The following DAB2 variants were observed in gnomAD, a reference collection of about 807,000 sequenced individuals.
DAB2 encodes the protein disabled homolog 2.
DAB2 carries 28 observed loss-of-function variants against 71.6 expected under a neutral mutation model. The observed-to-expected ratio is 0.39, with a 90% CI of 0.29 to 0.54. The LOEUF (loss-of-function observed/expected upper bound fraction) is 0.54. Among genes scored for constraint, DAB2 ranks in the 20% least tolerant of loss-of-function variants. The pLI is 0.68. For missense variants in DAB2, 867 were observed against 928.8 expected, an observed-to-expected ratio of 0.93 and a Z score of 0.86; for synonymous variants, 345 against 339.7, an observed-to-expected ratio of 1.02 and a Z score of -0.17.
At chr5:39,383,314 G>A in intron 9 of DAB2, 43 bp from the exon 10 acceptor site, 1 of 1,429,340 alleles carries the variant, frequency 7.0e-7, no homozygotes, top group South Asian at 1.3e-5. Flanking sequence ...GTTAGTCCAT[G>A]TTGTGACTTC....
intron 10 of DAB2, among the ~76,000 whole-genome samples, chr5:39,381,983 C>T (rs751934226): frequency 6.6e-5 from 10 of 152,110 alleles, no homozygotes; most frequent in Non-Finnish European, 1.5e-4. Context: ...TTGTTCATTC[C>T]ATTGGATTTT....
intron 3 of DAB2, 129 bp downstream of exon 3, chr5:39,393,125 T>A: frequency 2.2e-6 from 2 of 905,540 alleles, no homozygotes; most frequent in Non-Finnish European, 3.4e-6. Context: ...AATGGGGCAC[T>A]ACTGATGGAT....
At chr5:39,376,265 A>G (rs1754826704) in intron 12 of DAB2, among the ~76,000 whole-genome samples, 159 bp from the exon 13 acceptor site, 4 of 152,218 alleles carry the variant, frequency 2.6e-5, no homozygotes, top group African/African-American at 9.6e-5. Flanking sequence ...AATAATTATT[A>G]TCCTTCTCGG....
intron 9 of DAB2, 49 bp from the exon 10 acceptor site, chr5:39,383,320 A>T (rs770004646): frequency 7.2e-7 from 1 of 1,385,214 alleles, no homozygotes; most frequent in East Asian, 2.3e-5. Context: ...CCATGTTGTG[A>T]CTTCAAATGA....
rs572752253 is a variant in DAB2, at chr5:39,379,751, C to T, written c.1504+1703G>A. Among the ~76,000 whole-genome samples the T allele has an allele frequency of 2.6e-5, 4 of 151,228 alleles. No individual in the cohort carries two copies. The East Asian group carries it at 5.9e-4, about 22-fold the overall frequency. The stretch of plus-strand genomic sequence containing the variant: ...CCCCCAGTTCTCCAGGGGAGACAGT[C>T]CCCCAGCTGGGTCTAGCGGAAGCCA... On this transcript the variant is annotated intron_variant, in intron 11 of 14. Coordinates refer to ENST00000320816, the MANE Select transcript of DAB2 (RefSeq NM_001343.4).
intron 6 of DAB2, among the ~76,000 whole-genome samples, chr5:39,389,432 G>A (rs1469035623): frequency 6.6e-6 from 1 of 152,204 alleles, no homozygotes; most frequent in Non-Finnish European, 1.5e-5. Context: ...CTATTGGGAA[G>A]AATAGACAAT....
rs143126472 is a variant in DAB2 at position 39,390,728 on chromosome 5, A to G, written c.331-153T>C. Among the ~76,000 whole-genome samples, 641 of 152,344 alleles carry G rather than the reference A, an allele frequency of 4.2e-3. 3 individuals carry two copies. Among genetic ancestry groups the G allele is most frequent in the African/African-American group, 0.014 (566 of 41,568 alleles). On this transcript the variant is annotated intron_variant, in intron 4 of 14. Coordinates refer to ENST00000320816, the MANE Select transcript of DAB2 (RefSeq NM_001343.4). ...TTCATTTCTGGTTGAAGGCTAGAGC[A>G]TTACTCTTTCTAGAAAGGGCTCAAA...
At chr5:39,401,856 C>T (rs918503643) in intron 1 of DAB2, among the ~76,000 whole-genome samples, 3 of 151,828 alleles carry the variant, frequency 2.0e-5, no homozygotes, top group Non-Finnish European at 4.4e-5. Context: ...GGGTTCACGC[C>T]ATTCCCCTGC....
At chr5:39,398,137 A>G (rs62358422) in intron 1 of DAB2, among the ~76,000 whole-genome samples, 4,195 of 152,346 alleles carry the variant, frequency 0.028, 88 homozygotes, top group South Asian at 0.086. Flanking sequence ...GACTTAGCTC[A>G]TTAAATTTGG....
rs905791306 is a variant in DAB2, at chr5:39,375,706, G to A, written c.2247+291C>T. ...TTGAGACCAGTCTGGCCAACATGGCGAGACCCCATCTCTACAAAAAAATAC... is the reference window on the plus strand; with the variant it reads ...TTGAGACCAGTCTGGCCAACATGGCAAGACCCCATCTCTACAAAAAAATAC... On this transcript the variant is annotated intron_variant, in intron 13 of 14. Transcript: ENST00000320816. Among the ~76,000 whole-genome samples, 3 of 151,974 alleles carry A rather than the reference G, an allele frequency of 2.0e-5. No individual in the cohort carries two copies. In the South Asian group the frequency reaches 6.2e-4, roughly 31 times the overall value.
chr5:39,389,136 A>C lies in DAB2; in HGVS notation c.544-13T>G. 1 of 1,607,212 alleles carries C rather than the reference A, an allele frequency of 6.2e-7. No individual in the cohort carries two copies. Among genetic ancestry groups the C allele is most frequent in the Non-Finnish European group, 8.5e-7 (1 of 1,174,426 alleles). ...TGGCTTCCTCTATCTAAAAAGAAAG[A>C]TACATATTCAGTGATCTTCATATTC... is the stretch of plus-strand genomic sequence containing the variant. On this transcript the variant is annotated splice_polypyrimidine_tract_variant and intron_variant, in intron 6 of 14. Coordinates refer to ENST00000320816, the MANE Select transcript of DAB2 (RefSeq NM_001343.4).
chr5:39,411,727 C>T (rs1040053338), intron 1 of DAB2, among the ~76,000 whole-genome samples: 1 of 152,148 alleles, frequency 6.6e-6, no homozygotes, highest in Admixed American at 6.5e-5. Flanking sequence ...TAAAAAGACT[C>T]AATATTGCAG....
intron 1 of DAB2, 67 bp from the exon 2 acceptor site, chr5:39,394,488 G>C (rs1755309621): frequency 3.3e-6 from 2 of 599,130 alleles, no homozygotes; most frequent in Admixed American, 3.0e-5. Context: ...TGCCAGAATA[G>C]GCTTACAACT....
chr5:39,388,739 G>A (rs905843278), intron 8 of DAB2, 60 bp downstream of exon 8: 1 of 1,359,334 alleles, frequency 7.4e-7, no homozygotes, highest in Non-Finnish European at 1.0e-6. Flanking sequence ...AACATCTACA[G>A]GAAGTAGAAC....
At position 39,381,469 on chromosome 5, in the gene DAB2, G is replaced by T. The variant is rs1393748477; in HGVS notation, c.1489C>A (p.Pro497Thr). The T allele has an allele frequency of 6.2e-7, 1 of 1,613,952 alleles. No individual in the cohort carries two copies. The highest frequency in any genetic ancestry group is 1.1e-5 in the South Asian group (1 of 91,068). Residue 497 changes from proline (P) to threonine (T), a missense_variant, in exon 11 of 15, where the codon CCC becomes ACC. Physicochemically the swap from Pro to Thr is conservative, Grantham distance 38 (BLOSUM62 -1). Coordinates refer to ENST00000320816, the MANE Select transcript of DAB2 (RefSeq NM_001343.4). Reference protein sequence around the residue: ...FKTSAPAPVGPLVGLGGVTVT... With the variant: ...FKTSAPAPVGTLVGLGGVTVT... ...AGGCACCTACCTAGACCCACCAGGG[G>T]CCCCACTGGGGCAGGAGCACTTGTT...
chr5:39,390,777 G>C lies in DAB2; in HGVS notation c.331-202C>G, dbSNP rs370979439. Among the ~76,000 whole-genome samples the C allele has an allele frequency of 1.4e-3, 206 of 152,296 alleles. 11 individuals are homozygous for C. The South Asian group carries it at 0.04, about 29-fold the overall frequency. ...AAAGAAAGAAGAATAGAAAACGTAA[G>C]TGGGAAGAATGTTCCTTCTTAAAAT... is the stretch of plus-strand genomic sequence containing the variant. On this transcript the variant is annotated intron_variant, in intron 4 of 14. Transcript: ENST00000320816.
intron 14 of DAB2, among the ~76,000 whole-genome samples, chr5:39,373,669 C>T (rs946517301): frequency 4.6e-5 from 7 of 152,096 alleles, no homozygotes; most frequent in African/African-American, 1.7e-4. Context: ...GCAGGTTGAC[C>T]TAAACTATCC....
rs1298091487 is a variant in DAB2, at chr5:39,372,889, AAGG to A, written c.*539_*541del. The A allele has an allele frequency of 1.3e-5, 2 of 152,154 alleles. No homozygotes were observed. Among genetic ancestry groups the A allele is most frequent in the Non-Finnish European group, 2.9e-5 (2 of 68,032 alleles). 9.4% of individuals were successfully genotyped at this position (152,154 alleles called of 1,614,324 possible). A position where few individuals can be genotyped will look rare whatever the true frequency, so the allele number is the denominator to read the frequency against. On this transcript the variant is annotated 3_prime_UTR_variant, in exon 15 of 15. Coordinates refer to ENST00000320816, the MANE Select transcript of DAB2 (RefSeq NM_001343.4). ...TAAGTGGTTAGATTCCAAAGTGTCTAAGGAGAAGTTGTAGTTGCTTCAATTTTA... is the reference window on the plus strand; with the variant it reads ...TAAGTGGTTAGATTCCAAAGTGTCTAAGAAGTTGTAGTTGCTTCAATTTTA...
At chr5:39,405,729 T>C (rs951315774) in intron 1 of DAB2, among the ~76,000 whole-genome samples, 1 of 152,236 alleles carries the variant, frequency 6.6e-6, no homozygotes, top group Non-Finnish European at 1.5e-5. Flanking sequence ...ATATGGTATG[T>C]CTTTCCTTAT....
Sources: gnomAD v4.1 joint callset for allele counts (sites outside exome capture counted in the v4.1 genomes callset) on GRCh38, gnomAD v4.1.1 for gene constraint, MANE v1.5 for transcripts, NCBI Gene and HGNC (gene_info 2026-07-23, HGNC 2026-07-21) for gene names.